RARB: variants seen among roughly 807,000 people sequenced by gnomAD.
RARB encodes the protein HBV-activated protein.
In RARB, 17 loss-of-function variants were observed where a neutral mutation model predicts 51.9. The ratio of observed to expected loss-of-function variants is 0.33; its 90% CI spans 0.22 to 0.49. The LOEUF (loss-of-function observed/expected upper bound fraction) is 0.49, where lower values mean the gene tolerates loss of function less well. Ranked by LOEUF, RARB falls within the 20% of genes least tolerant of loss-of-function variation. The pLI, the probability that RARB is intolerant of heterozygous loss-of-function variation, is 0.99. For missense variants in RARB, 369 were observed against 550.8 expected, an observed-to-expected ratio of 0.67 and a Z score of 3.30; for synonymous variants, 215 against 195.4, an observed-to-expected ratio of 1.10 and a Z score of -0.84.
chr3:25,292,775 G>T (rs1703820961), intron 5 of RARB, among the ~76,000 whole-genome samples: 1 of 152,112 alleles, frequency 6.6e-6, no homozygotes, highest in Non-Finnish European at 1.5e-5. Flanking sequence ...GTTTCAAAAT[G>T]GGCATGTTTA....
intron 2 of RARB, among the ~76,000 whole-genome samples, chr3:25,056,068 A>G (rs1698435497): frequency 6.6e-6 from 1 of 152,058 alleles, no homozygotes; most frequent in South Asian, 2.1e-4. Flanking sequence ...AACATGCCCA[A>G]CTCTTAGTGT....
At chr3:25,263,553 A>C (rs1703056145) in intron 5 of RARB, among the ~76,000 whole-genome samples, 1 of 152,182 alleles carries the variant, frequency 6.6e-6, no homozygotes, top group Admixed American at 6.5e-5. Flanking sequence ...GAACTGAGTG[A>C]ATTAGCTGAC....
intron 4 of RARB, among the ~76,000 whole-genome samples, chr3:25,577,314 AAG>A (rs1456409904): frequency 6.6e-6 from 1 of 152,192 alleles, no homozygotes; most frequent in Non-Finnish European, 1.5e-5. Context: ...GTGAAAAGTA[AAG>A]AGAGTCGGTG....
At chr3:24,890,851 A>G (rs1049403395) in intron 2 of RARB, among the ~76,000 whole-genome samples, 1 of 152,062 alleles carries the variant, frequency 6.6e-6, no homozygotes, top group African/African-American at 2.4e-5. Flanking sequence ...GGAGTAATAA[A>G]AAAAAATGCG....
At chr3:25,341,468 C>G (rs555360734) in intron 5 of RARB, among the ~76,000 whole-genome samples, 50 of 152,114 alleles carry the variant, frequency 3.3e-4, no homozygotes, top group African/African-American at 1.1e-3. Context: ...CAAAGACTTC[C>G]TAGAAGAGGT....
intron 5 of RARB, among the ~76,000 whole-genome samples, chr3:25,413,776 G>C (rs1559390488): frequency 6.6e-6 from 1 of 151,980 alleles, no homozygotes; most frequent in South Asian, 2.1e-4. Flanking sequence ...TGCAACCAAG[G>C]CTTGTTGGCA....
chr3:25,115,136 T>C (rs927070086), intron 3 of RARB, among the ~76,000 whole-genome samples: 8 of 152,208 alleles, frequency 5.3e-5, no homozygotes, highest in African/African-American at 1.9e-4. Flanking sequence ...ATCCTGATAG[T>C]CACCACTGAG....
intron 2 of RARB, among the ~76,000 whole-genome samples, chr3:24,888,421 A>AT (rs966555152): frequency 6.6e-6 from 1 of 151,752 alleles, no homozygotes; most frequent in Non-Finnish European, 1.5e-5. Flanking sequence ...TTTTATTTTT[A>AT]TTTTTTTATT....
At chr3:24,845,919 T>G (rs1702480708) in intron 1 of RARB, among the ~76,000 whole-genome samples, 1 of 152,236 alleles carries the variant, frequency 6.6e-6, no homozygotes. Context: ...GTCTTTGTCC[T>G]GTGCTTTTAC....
At chr3:24,898,240 T>C (rs2125369361) in intron 2 of RARB, among the ~76,000 whole-genome samples, 1 of 152,056 alleles carries the variant, frequency 6.6e-6, no homozygotes, top group South Asian at 2.1e-4. Flanking sequence ...CACTGGATAG[T>C]TTTGAGCAAG....
chr3:25,155,617 G>A (rs569472101), intron 4 of RARB, among the ~76,000 whole-genome samples: 2 of 152,298 alleles, frequency 1.3e-5, no homozygotes, highest in Admixed American at 6.5e-5. Flanking sequence ...ATATAATCTG[G>A]AGGAAGAATG....
chr3:25,252,553 C>A (rs997086365), intron 5 of RARB, among the ~76,000 whole-genome samples: 4 of 152,128 alleles, frequency 2.6e-5, no homozygotes, highest in Non-Finnish European at 5.9e-5. Flanking sequence ...AGTGAACAAG[C>A]CTTGCACTTC....
Position 25,488,529 on chromosome 3 carries a change from C to G in RARB, c.307-12653C>G, listed in dbSNP as rs1275427481. 3.3e-5 allele frequency among the ~76,000 whole-genome samples: 5 copies of G among 152,072 alleles called. No homozygotes were observed. In the South Asian group the frequency reaches 1.0e-3, roughly 32 times the overall value. Reference sequence around the variant, plus strand: ...AAAGCAAAATTAGGCTGAAACACCCCCAAAGCTCCTAGATGAGGCTTCCTG... The same window carrying G: ...AAAGCAAAATTAGGCTGAAACACCCGCAAAGCTCCTAGATGAGGCTTCCTG... On this transcript the variant is annotated intron_variant, in intron 2 of 7. Coordinates refer to ENST00000330688, the MANE Select transcript of RARB (RefSeq NM_000965.5).
intron 3 of RARB, among the ~76,000 whole-genome samples, chr3:25,113,348 T>A (rs1268596949): frequency 6.6e-6 from 1 of 152,228 alleles, no homozygotes; most frequent in African/African-American, 2.4e-5. Flanking sequence ...TTAGCATCAC[T>A]GTAAATTTCC....
At chr3:25,052,644 T>C (rs923593953) in intron 2 of RARB, among the ~76,000 whole-genome samples, 2 of 152,214 alleles carry the variant, frequency 1.3e-5, no homozygotes, top group African/African-American at 4.8e-5. Flanking sequence ...GGTTAGATTA[T>C]AATTGAAAGT....
At chr3:25,266,577 G>A (rs769775167) in intron 5 of RARB, among the ~76,000 whole-genome samples, 41 of 151,914 alleles carry the variant, frequency 2.7e-4, no homozygotes, top group Non-Finnish European at 5.3e-4. Context: ...CTTTGTTGTC[G>A]TATCTTTGAA....
In RARB at chr3:25,568,246, A is replaced by G. The variant is rs112418408; in HGVS notation, c.449-1512A>G. Among the ~76,000 whole-genome samples, 1,386 of 152,292 alleles carry G rather than the reference A, an allele frequency of 9.1e-3. 19 individuals are homozygous for G. Among genetic ancestry groups the G allele is most frequent in the African/African-American group, 0.03 (1,229 of 41,554 alleles). ...CCTGTTGGTTTCCTTAGGAATAAGT[A>G]AGTGAGTCCAAGTGAGGAAGGAACT... On this transcript the variant is annotated intron_variant, in intron 3 of 7. Transcript: ENST00000330688.
At chr3:25,035,018 T>C (rs1203958712) in intron 2 of RARB, among the ~76,000 whole-genome samples, 2 of 152,242 alleles carry the variant, frequency 1.3e-5, no homozygotes, top group African/African-American at 4.8e-5. Context: ...ACATGTGATA[T>C]GATATTTCTA....
In RARB at chr3:25,269,783, C is replaced by T. The variant is rs571352677; in HGVS notation, c.178+95208C>T. On this transcript the variant is annotated intron_variant, in intron 5 of 11. Transcript: ENST00000383772. ...TGTGTATATTTATAGCCTAAAACAT[C>T]TTTGTTAACAAAATTTGTATATACT... 3.3e-5 allele frequency among the ~76,000 whole-genome samples: 5 copies of T among 152,240 alleles called. 1 individual carries two copies. Among genetic ancestry groups the T allele is most frequent in the African/African-American group, 1.2e-4 (5 of 41,548 alleles).
Sources: gnomAD v4.1 joint callset for allele counts (sites outside exome capture counted in the v4.1 genomes callset) on GRCh38, gnomAD v4.1.1 for gene constraint, MANE v1.5 for transcripts, NCBI Gene and HGNC (gene_info 2026-07-23, HGNC 2026-07-21) for gene names.